SLC44A4: variants seen among roughly 807,000 people sequenced by gnomAD.
SLC44A4 encodes choline transporter-like protein 4.
In SLC44A4, 74 loss-of-function variants were observed where a neutral mutation model predicts 97.0. That is an observed-to-expected ratio of 0.76 (90% CI 0.63 to 0.93). SLC44A4 has a LOEUF of 0.93. Among genes scored for constraint, SLC44A4 ranks in the 40% least tolerant of loss-of-function variants. The probability of loss-of-function intolerance (pLI) is 0.00; values close to 1 mark genes in which losing one functional copy is unlikely to be tolerated. For missense variants in SLC44A4, 799 were observed against 902.9 expected, an observed-to-expected ratio of 0.88 and a Z score of 1.48; for synonymous variants, 325 against 363.8, an observed-to-expected ratio of 0.89 and a Z score of 1.21.
chr6:31,878,673 C>T lies in SLC44A4; in HGVS notation c.40+268G>A, dbSNP rs117631350. 0.011 allele frequency among the ~76,000 whole-genome samples: 1,691 copies of T among 152,128 alleles called. 25 individuals carry two copies. The highest frequency in any genetic ancestry group is 0.043 in the South Asian group (208 of 4,812). ...CCCAGAGTCCAGGCCTGAAATACCC[C>T]CCTCCTCCCAAGGACCTCAGCCCCA... On this transcript the variant is annotated intron_variant, in intron 1 of 20. Coordinates refer to ENST00000229729, the MANE Select transcript of SLC44A4 (RefSeq NM_025257.3). The surrounding 1 kb of genome is among the most constrained non-coding windows in gnomAD (Gnocchi z 4.0).
chr6:31,877,131 C>G lies in SLC44A4; in HGVS notation c.41-49G>C. 5 of 1,575,592 alleles carry G rather than the reference C, an allele frequency of 3.2e-6. No individual in the cohort carries two copies. The highest frequency in any genetic ancestry group is 4.3e-6 in the Non-Finnish European group (5 of 1,155,702). The stretch of plus-strand genomic sequence containing the variant: ...GGAGGATGAGTCTCTCTCTGCATAT[C>G]TTGTCCTGCTGAGTCCTCCTAGCCC... On this transcript the variant is annotated intron_variant, in intron 1 of 20. Transcript: ENST00000229729. The surrounding 1 kb of genome is among the most constrained non-coding windows in gnomAD (Gnocchi z 6.5).
intron 20 of SLC44A4, 66 bp from the exon 21 acceptor site, chr6:31,863,814 G>A: frequency 1.3e-6 from 2 of 1,597,990 alleles, no homozygotes; most frequent in Non-Finnish European, 8.5e-7. Context: ...TGGGAGGCAA[G>A]CTGCCTGCGG....
At chr6:31,872,012 C>A (rs979321030) in intron 7 of SLC44A4, among the ~76,000 whole-genome samples, 12 of 152,222 alleles carry the variant, frequency 7.9e-5, no homozygotes, top group African/African-American at 2.9e-4. Flanking sequence ...CTACTCTGTA[C>A]CTTTGCTCTT....
In SLC44A4 at chr6:31,877,476, CT is replaced by C; in HGVS notation, c.41-395del. On this transcript the variant is annotated intron_variant, in intron 1 of 20. Transcript: ENST00000229729. This position sits in a 1 kb window ranked among gnomAD's most constrained non-coding sequence, Gnocchi z 6.5. ...CCTCATTCTCATCCCTGCCTCCTCCCTAATCCCTCCCCAGGGACCACACAGA... is the reference window on the plus strand; with the variant it reads ...CCTCATTCTCATCCCTGCCTCCTCCCAATCCCTCCCCAGGGACCACACAGA... 1 of 482,636 alleles carries C rather than the reference CT, an allele frequency of 2.1e-6. No homozygotes were observed. Among genetic ancestry groups the C allele is most frequent in the Non-Finnish European group, 2.9e-6 (1 of 346,502 alleles). The allele number at this position is 482,636 out of a possible 1,614,324, so 29.9% of individuals were successfully genotyped here.
rs1581842133 is a variant in SLC44A4 at position 31,869,570 on chromosome 6, T to C, written c.1105A>G (p.Ile369Val). Residue 369 changes from isoleucine (I) to valine (V), a missense_variant, in exon 12 of 21, where the codon ATT becomes GTT. By Grantham distance (29) the Ile-to-Val change is conservative. Around this residue, in one of 3 missense-constraint regions of SLC44A4, gnomAD observed 379 missense variants for 438.3 expected, o/e 0.86. Coordinates refer to ENST00000229729, the MANE Select transcript of SLC44A4 (RefSeq NM_025257.3). ...AGAGCAGTCATGGCCCAGTAGGCAA[T>C]GCAGATGAGGAGGAGGACAAAGGTG... The part of the protein sequence containing the change: ...LVTFVLLLIC[I>V]AYWAMTALYL... 1.2e-6 allele frequency: 2 copies of C among 1,606,044 alleles called. No homozygotes were observed. The highest frequency in any genetic ancestry group is 8.5e-7 in the Non-Finnish European group (1 of 1,176,980).
rs1437865948 is a variant in SLC44A4, at chr6:31,869,141, C to T, written c.1233+14G>A. 1.3e-6 allele frequency: 2 copies of T among 1,594,356 alleles called. No homozygotes were observed. Among genetic ancestry groups the T allele is most frequent in the Non-Finnish European group, 1.7e-6 (2 of 1,170,176 alleles). ...CCTACTAGTCCCGCCTCCATGTCCC[C>T]TGCTTCCTCTTACCGTGGGGTTGCA... On this transcript the variant is annotated intron_variant, in intron 13 of 20. Transcript: ENST00000229729.
chr6:31,873,327 T>C (rs1043417151), intron 7 of SLC44A4, among the ~76,000 whole-genome samples: 1 of 151,902 alleles, frequency 6.6e-6, no homozygotes, highest in African/African-American at 2.4e-5. Context: ...GGATAAGAGG[T>C]GCATGCCACC....
rs1562442198 is a variant in SLC44A4, at chr6:31,865,448, G to GTC, written c.1686+48_1686+49dup. On this transcript the variant is annotated intron_variant, in intron 16 of 20. Coordinates refer to ENST00000229729, the MANE Select transcript of SLC44A4 (RefSeq NM_025257.3). The surrounding 1 kb of genome is among the most constrained non-coding windows in gnomAD (Gnocchi z 5.2). ...GAGCTGCCTGGACCAGGATGGGGGT[G>GTC]TCTAGACCAAAGGGCACCAGAACAA... The GTC allele has an allele frequency of 6.2e-7, 1 of 1,611,978 alleles. No homozygotes were observed. Among genetic ancestry groups the GTC allele is most frequent in the East Asian group, 2.2e-5 (1 of 44,872 alleles).
intron 7 of SLC44A4, among the ~76,000 whole-genome samples, chr6:31,873,901 C>T (rs569574001): frequency 1.7e-3 from 262 of 151,782 alleles, no homozygotes; most frequent in African/African-American, 6.2e-3. Context: ...AGTGAAACCC[C>T]GTCTCTACTA....
chr6:31,872,223 T>A (rs1763213574), intron 7 of SLC44A4, among the ~76,000 whole-genome samples: 1 of 152,124 alleles, frequency 6.6e-6, no homozygotes, highest in Admixed American at 6.6e-5. Flanking sequence ...GTCATTTATT[T>A]ATCTATTTAT....
Position 31,869,613 on chromosome 6 carries a change from G to T in SLC44A4, c.1062C>A (p.Thr354=). ...CAAAGGTGACCAGTGGGTAGAACAT[G>T]GTAGACATCATCTGTCCCACAGCCC... ...ASKAVGQMMS[T]MFYPLVTFVL... is the part of the protein sequence containing the mutation. The change falls in exon 12 of 21, where the codon ACC becomes ACA. Residue 354 remains threonine, a synonymous_variant. Coordinates refer to ENST00000229729, the MANE Select transcript of SLC44A4 (RefSeq NM_025257.3). 1 of 1,604,724 alleles carries T rather than the reference G, an allele frequency of 6.2e-7. No individual in the cohort carries two copies. The highest frequency in any genetic ancestry group is 8.5e-7 in the Non-Finnish European group (1 of 1,176,198).
Position 31,874,703 on chromosome 6 carries a change from G to C in SLC44A4, c.468+18C>G. 6.2e-7 allele frequency: 1 copy of C among 1,601,662 alleles called. No homozygotes were observed. Among genetic ancestry groups the C allele is most frequent in the Non-Finnish European group, 8.5e-7 (1 of 1,174,266 alleles). ...GGCCCTTCTGGGCGACAGTGATGAG[G>C]TTAGGGGCAATATTCACCATATTCC... On this transcript the variant is annotated intron_variant, in intron 6 of 20. Transcript: ENST00000229729. The surrounding 1 kb of genome is among the most constrained non-coding windows in gnomAD (Gnocchi z 4.8).
chr6:31,864,961 A>T, intron 18 of SLC44A4, 49 bp downstream of exon 18: 2 of 1,613,762 alleles, frequency 1.2e-6, no homozygotes, highest in Non-Finnish European at 1.7e-6. Flanking sequence ...CCACCTCTTC[A>T]GCTGCCCAGC....
chr6:31,871,553 G>C lies in SLC44A4; in HGVS notation c.538C>G (p.Arg180Gly). ...FLLPSAPALGRCFPWTNVTPP... is the reference protein window; with the variant it reads ...FLLPSAPALGGCFPWTNVTPP... ...GTAACGTTGGTCCATGGAAAGCAGC[G>C]CCCCAGAGCTGGAAGGGAGAGCCGG... The change falls in exon 8 of 21, where the codon CGC becomes GGC. Residue 180 changes from arginine to glycine, a missense_variant. Arg to Gly is a moderately radical substitution (Grantham distance 125, BLOSUM62 -2). Coordinates refer to ENST00000229729, the MANE Select transcript of SLC44A4 (RefSeq NM_025257.3). 3.1e-6 allele frequency: 5 copies of C among 1,613,570 alleles called. No individual in the cohort carries two copies. Among genetic ancestry groups the C allele is most frequent in the Non-Finnish European group, 4.2e-6 (5 of 1,179,646 alleles).
In SLC44A4 at chr6:31,864,832, T is replaced by G; in HGVS notation, c.1910A>C (p.Tyr637Ser). 1 of 1,613,554 alleles carries G rather than the reference T, an allele frequency of 6.2e-7. No homozygotes were observed. Residue 637 changes from tyrosine (Y) to serine (S), a missense_variant, in exon 19 of 21, where the codon TAC becomes TCC. Tyr to Ser is a moderately radical substitution (Grantham distance 144, BLOSUM62 -2). Around this residue, in one of 3 missense-constraint regions of SLC44A4, gnomAD observed 379 missense variants for 438.3 expected, o/e 0.86. Coordinates refer to ENST00000229729, the MANE Select transcript of SLC44A4 (RefSeq NM_025257.3). ...GTCACTCACCATGATGGGCAGCCAG[T>G]AATAGTTGAGGTGGGGGCTCTTAAA... ...KDFKSPHLNY[Y>S]WLPIMTSILG... is the part of the protein sequence containing the mutation.
At chr6:31,872,339 G>A (rs543527613) in intron 7 of SLC44A4, among the ~76,000 whole-genome samples, 1 of 151,904 alleles carries the variant, frequency 6.6e-6, no homozygotes, top group South Asian at 2.1e-4. Context: ...GGGCTCAAGC[G>A]ATCCTCCCCA....
intron 13 of SLC44A4, among the ~76,000 whole-genome samples, chr6:31,867,881 G>T (rs1054380537): frequency 2.7e-5 from 4 of 148,218 alleles, no homozygotes; most frequent in African/African-American, 1.0e-4. Flanking sequence ...GCAATGGCGC[G>T]ATCTCAGCTC....
At chr6:31,873,328 G>A (rs927789875) in intron 7 of SLC44A4, among the ~76,000 whole-genome samples, 5 of 152,066 alleles carry the variant, frequency 3.3e-5, no homozygotes, top group African/African-American at 4.8e-5. Flanking sequence ...GATAAGAGGT[G>A]CATGCCACCA....
At position 31,865,016 on chromosome 6, in the gene SLC44A4, C is replaced by A. The variant is rs1562441263; in HGVS notation, c.1825G>T (p.Gly609Cys). The change falls in exon 18 of 21, where the codon GGC becomes TGC. Residue 609 changes from glycine to cysteine, a missense_variant. By Grantham distance (159) the Gly-to-Cys change is radical. Around this residue, in one of 3 missense-constraint regions of SLC44A4, gnomAD observed 379 missense variants for 438.3 expected, o/e 0.86. Coordinates refer to ENST00000229729, the MANE Select transcript of SLC44A4 (RefSeq NM_025257.3). This position sits in a 1 kb window ranked among gnomAD's most constrained non-coding sequence, Gnocchi z 5.2. ...ACAGCTTCTGGTCCCTTACCCACGC[C>A]TCCGACCACCAGCAGCTTCCCAAAG... Reference protein sequence around the residue: ...LFFGKLLVVGGVGVLSFFFFS... With the variant: ...LFFGKLLVVGCVGVLSFFFFS... 2 of 1,613,920 alleles carry A rather than the reference C, an allele frequency of 1.2e-6. No individual in the cohort carries two copies. Among genetic ancestry groups the A allele is most frequent in the Non-Finnish European group, 1.7e-6 (2 of 1,180,044 alleles).
Sources: allele counts gnomAD v4.1 joint callset (sites outside exome capture counted in the v4.1 genomes callset), GRCh38; gene constraint gnomAD v4.1.1; regional missense constraint gnomAD v4.1.1; non-coding constraint Gnocchi (gnomAD v3.1); transcripts MANE v1.5; gene names NCBI Gene and HGNC (gene_info 2026-07-23, HGNC 2026-07-21).